Variants in ZNF131 observed in about 807,000 individuals in gnomAD.
ZNF131 encodes zinc finger and BTB domain containing 35.
In ZNF131, 7 loss-of-function variants were observed where a neutral mutation model predicts 60.0. The observed-to-expected ratio is 0.12, with a 90% CI of 0.07 to 0.22. ZNF131 has a LOEUF of 0.22. Among genes scored for constraint, ZNF131 ranks in the 10% least tolerant of loss-of-function variants. The pLI is 1.00. For synonymous variants in ZNF131, 257 were observed against 253.2 expected, an observed-to-expected ratio of 1.01 and a Z score of -0.14; for missense variants, 493 against 740.9, an observed-to-expected ratio of 0.67 and a Z score of 3.88.
rs558828558 is a variant in ZNF131, at chr5:43,120,914, G to T, written c.-225G>T. 6.6e-6 allele frequency: 1 copy of T among 152,170 alleles called. No individual in the cohort carries two copies. The allele number at this position is 152,170 out of a possible 1,614,324, so 9.4% of individuals were successfully genotyped here. On this transcript the variant is annotated 5_prime_UTR_variant, in exon 1 of 7. Coordinates refer to ENST00000682664, the MANE Select transcript of ZNF131 (RefSeq NM_001330707.2). The stretch of plus-strand genomic sequence containing the variant: ...GCTCGCGCCCGTAGCTGCCGCTGCC[G>T]GGGCCGCGGCCGCCCGGGTGCCCAA...
At chr5:43,135,693 C>T (rs1490847342) in intron 3 of ZNF131, among the ~76,000 whole-genome samples, 2 of 152,092 alleles carry the variant, frequency 1.3e-5, no homozygotes, top group Non-Finnish European at 1.5e-5. Context: ...TGCACTCGAG[C>T]CTGGGCGACA....
chr5:43,167,852 T>TA (rs1484141401), intron 5 of ZNF131: 6 of 347,326 alleles, frequency 1.7e-5, no homozygotes, highest in Non-Finnish European at 3.5e-5. Context: ...ACAAAGGTGA[T>TA]ATCTTAGTCT....
At chr5:43,140,974 C>T (rs1437795640) in intron 4 of ZNF131, among the ~76,000 whole-genome samples, 1 of 152,146 alleles carries the variant, frequency 6.6e-6, no homozygotes, top group Non-Finnish European at 1.5e-5. Context: ...CTGTCTCAGC[C>T]TCCCAAAGTG....
chr5:43,142,893 A>G (rs576650750), intron 4 of ZNF131, among the ~76,000 whole-genome samples: 1 of 151,892 alleles, frequency 6.6e-6, no homozygotes, highest in Non-Finnish European at 1.5e-5. Context: ...GGATTTCACC[A>G]TGTTGCCCAG....
intron 3 of ZNF131, among the ~76,000 whole-genome samples, chr5:43,136,789 CATG>C (rs1374386579): frequency 4.0e-5 from 6 of 151,470 alleles, no homozygotes; most frequent in African/African-American, 1.5e-4. Context: ...ACCCAGCTGA[CATG>C]ATACTTCTTG....
rs1450522949 is a variant in ZNF131 at position 43,161,658 on chromosome 5, T to C, written c.781T>C (p.Phe261Leu). 6.2e-7 allele frequency: 1 copy of C among 1,614,114 alleles called. No homozygotes were observed. Among genetic ancestry groups the C allele is most frequent in the African/African-American group, 1.3e-5 (1 of 74,940 alleles). Reference sequence around the variant, plus strand: ...TCAGCTGTCACATGTGAAGGACTTGTTCCATTGTGAGAAATGTAACCGTTC... The same window carrying C: ...TCAGCTGTCACATGTGAAGGACTTGCTCCATTGTGAGAAATGTAACCGTTC... The part of the protein sequence containing the change: ...ELQLSHVKDL[F>L]HCEKCNRSFK... The change falls in exon 5 of 7, where the codon TTC (phenylalanine) becomes CTC (leucine). Residue 261 changes from phenylalanine (F) to leucine (L), a missense_variant. Around this residue, in one of 7 missense-constraint regions of ZNF131, gnomAD observed 26 missense variants for 63.3 expected, o/e 0.41. Transcript: ENST00000682664.
chr5:43,143,344 G>A, intron 4 of ZNF131: 1 of 1,303,438 alleles, frequency 7.7e-7, no homozygotes, highest in Non-Finnish European at 9.8e-7. Context: ...TAAGTGCAGT[G>A]ATCCAGGATG....
intron 1 of ZNF131, chr5:43,121,809 C>G (rs946045073): frequency 5.5e-5 from 19 of 342,498 alleles, no homozygotes; most frequent in Admixed American, 2.9e-4. Context: ...CTCTAGCTCG[C>G]GTCTCCCGAC....
intron 3 of ZNF131, among the ~76,000 whole-genome samples, chr5:43,135,997 C>T (rs779401541): frequency 6.6e-5 from 10 of 152,136 alleles, no homozygotes; most frequent in African/African-American, 2.4e-4. Context: ...TGCCTGTAGT[C>T]CCAGCTACTT....
chr5:43,172,865 C>CTTTA (rs1751175547), intron 5 of ZNF131, among the ~76,000 whole-genome samples: 1 of 152,022 alleles, frequency 6.6e-6, no homozygotes, highest in East Asian at 1.9e-4. Context: ...TGTATTTCAT[C>CTTTA]TTTATACCTT....
chr5:43,168,994 C>T (rs6894506), intron 5 of ZNF131, among the ~76,000 whole-genome samples: 91,959 of 152,086 alleles, frequency 0.6, 28,246 homozygotes, highest in East Asian at 0.82. Flanking sequence ...TTGACAGATA[C>T]ACCTGTGGGA....
chr5:43,138,270 G>C (rs542755390), intron 3 of ZNF131, among the ~76,000 whole-genome samples: 3 of 152,206 alleles, frequency 2.0e-5, no homozygotes, highest in African/African-American at 4.8e-5. Context: ...TTGAACATGT[G>C]ACATTAGAGT....
At chr5:43,172,047 C>T (rs1034959884) in intron 5 of ZNF131, among the ~76,000 whole-genome samples, 1 of 152,220 alleles carries the variant, frequency 6.6e-6, no homozygotes, top group Non-Finnish European at 1.5e-5. Flanking sequence ...CATGTTTGGC[C>T]TTGTAGGCCT....
chr5:43,165,044 G>A (rs566134695), intron 5 of ZNF131, among the ~76,000 whole-genome samples: 1 of 152,208 alleles, frequency 6.6e-6, no homozygotes, highest in African/African-American at 2.4e-5. Context: ...TCGACCTCCT[G>A]GGCTCAAGTG....
At chr5:43,153,332 T>C (rs1400880170) in intron 4 of ZNF131, among the ~76,000 whole-genome samples, 2 of 151,746 alleles carry the variant, frequency 1.3e-5, no homozygotes, top group Non-Finnish European at 2.9e-5. Context: ...TGTTTAAGAA[T>C]GTTCAGGGCG....
intron 4 of ZNF131, among the ~76,000 whole-genome samples, chr5:43,144,434 T>C (rs1428114626): frequency 6.6e-6 from 1 of 151,914 alleles, no homozygotes; most frequent in East Asian, 1.9e-4. Flanking sequence ...TTCACCATGT[T>C]GGCCAAGCTG....
At chr5:43,121,429 T>G (rs949141305) in intron 1 of ZNF131, 2 of 152,368 alleles carry the variant, frequency 1.3e-5, no homozygotes, top group African/African-American at 4.8e-5. Flanking sequence ...GCCCATCCAC[T>G]GAGGGGTGTG....
At chr5:43,124,273 C>G (rs1259295557) in intron 3 of ZNF131, 1 of 152,144 alleles carries the variant, frequency 6.6e-6, no homozygotes, top group African/African-American at 2.4e-5. Flanking sequence ...CTACCACCAG[C>G]ATCAAAATCT....
Position 43,175,690 on chromosome 5 carries a change from G to T in ZNF131, c.*557G>T. On this transcript the variant is annotated 3_prime_UTR_variant, in exon 7 of 7. Coordinates refer to ENST00000682664, the MANE Select transcript of ZNF131 (RefSeq NM_001330707.2). The stretch of plus-strand genomic sequence containing the variant: ...ACAGATGCCATCTTTGCAACAGAAA[G>T]AGTGGTGGTGGCAAAATTTCTAGAA... 7 of 326,914 alleles carry T rather than the reference G, an allele frequency of 2.1e-5. No individual in the cohort carries two copies. The highest frequency in any genetic ancestry group is 5.8e-5 in the East Asian group (1 of 17,122). The allele number at this position is 326,914 out of a possible 1,614,324, so 20.3% of individuals were successfully genotyped here.
Sources: gnomAD v4.1 joint callset for allele counts (sites outside exome capture counted in the v4.1 genomes callset) on GRCh38, gnomAD v4.1.1 for gene constraint, gnomAD v4.1.1 regional missense constraint, MANE v1.5 for transcripts, NCBI Gene and HGNC (gene_info 2026-07-23, HGNC 2026-07-21) for gene names.